Variants in CSMD1 observed in about 807,000 individuals in gnomAD.
CSMD1 encodes the protein CUB and sushi domain-containing protein 1.
A neutral mutation model predicts 417.5 loss-of-function variants in CSMD1; 213 were observed. The observed-to-expected ratio is 0.51, with a 90% CI of 0.46 to 0.57. The LOEUF is 0.57. Among genes scored for constraint, CSMD1 ranks in the 20% least tolerant of loss-of-function variants. The pLI is 0.00. For synonymous variants in CSMD1, 2,862 were observed against 1,736.8 expected, an observed-to-expected ratio of 1.65 and a Z score of -16.11; for missense variants, 6,923 against 4,529.7, an observed-to-expected ratio of 1.53 and a Z score of -15.17.
intron 12 of CSMD1, among the ~76,000 whole-genome samples, chr8:3,430,233 A>G (rs978879096): frequency 2.6e-5 from 4 of 152,156 alleles, no homozygotes; most frequent in Non-Finnish European, 4.4e-5. Flanking sequence ...ACTATCTGCT[A>G]TAAGGGAGAT....
At chr8:4,047,945 T>A (rs903295696) in intron 3 of CSMD1, among the ~76,000 whole-genome samples, 2 of 152,180 alleles carry the variant, frequency 1.3e-5, no homozygotes, top group African/African-American at 2.4e-5. Context: ...CCCAAAAATA[T>A]AATGTCATGT....
chr8:4,857,166 A>G (rs1283725792), intron 1 of CSMD1, among the ~76,000 whole-genome samples: 3 of 151,146 alleles, frequency 2.0e-5, no homozygotes, highest in African/African-American at 7.3e-5. Context: ...ATGAATGACT[A>G]CTGGGTACAT....
At chr8:4,966,366 T>G (rs959301750) in intron 1 of CSMD1, among the ~76,000 whole-genome samples, 7 of 151,546 alleles carry the variant, frequency 4.6e-5, no homozygotes, top group African/African-American at 1.7e-4. Flanking sequence ...GCAACAAGAG[T>G]GAAACTCCAT....
rs77581426 is a variant in CSMD1, at chr8:4,797,735, T to C, written c.86-160177A>G. 2.0e-5 allele frequency among the ~76,000 whole-genome samples: 3 copies of C among 152,190 alleles called. No individual in the cohort carries two copies. The South Asian group carries it at 6.2e-4, about 31-fold the overall frequency. ...TACCTCCTTAACTGGGATAGGTACA[T>C]ACAAATGTAGAAGATAAGTAACTTT... On this transcript the variant is annotated intron_variant, in intron 1 of 69. Transcript: ENST00000635120.
chr8:3,139,806 A>G (rs1818321243), intron 41 of CSMD1, among the ~76,000 whole-genome samples: 1 of 152,156 alleles, frequency 6.6e-6, no homozygotes, highest in Non-Finnish European at 1.5e-5. Flanking sequence ...GAAATAGAAA[A>G]TATTCTCTAA....
At chr8:3,359,686 G>A (rs571845164) in intron 20 of CSMD1, among the ~76,000 whole-genome samples, 1 of 151,998 alleles carries the variant, frequency 6.6e-6, no homozygotes, top group Non-Finnish European at 1.5e-5. Context: ...TGATAGCAGA[G>A]TAAGGTGACT....
chr8:4,978,262 C>G (rs1023876508), intron 1 of CSMD1, among the ~76,000 whole-genome samples: 1 of 152,154 alleles, frequency 6.6e-6, no homozygotes, highest in African/African-American at 2.4e-5. Context: ...AAAGGGGGGA[C>G]AGGCAGGTGG....
chr8:3,362,389 T>C (rs1205143705), intron 20 of CSMD1, among the ~76,000 whole-genome samples: 1 of 152,248 alleles, frequency 6.6e-6, no homozygotes, highest in Middle Eastern at 3.4e-3. Flanking sequence ...CAAAAACCAA[T>C]GGTCAATTCT....
chr8:4,853,890 G>C (rs1164697074), intron 1 of CSMD1, among the ~76,000 whole-genome samples: 1 of 152,152 alleles, frequency 6.6e-6, no homozygotes, highest in Non-Finnish European at 1.5e-5. Flanking sequence ...GATAATTTTG[G>C]GGATTTAAGA....
rs371203335 is a variant in CSMD1, at chr8:3,780,959, ATC to A, written c.819-26919_819-26918del. Reference sequence around the variant, plus strand: ...AATGTAAAAATAAAGCTCTAAAGATATCTGTCTTCATGATCTGAAAATATCTG... The same window carrying A: ...AATGTAAAAATAAAGCTCTAAAGATATGTCTTCATGATCTGAAAATATCTG... On this transcript the variant is annotated intron_variant, in intron 5 of 69. Transcript: ENST00000635120. Among the ~76,000 whole-genome samples the A allele has an allele frequency of 1.0e-3, 158 of 152,342 alleles. 2 individuals are homozygous for A. In the South Asian group the frequency reaches 0.012, roughly 12 times the overall value.
rs77761436 is a variant in CSMD1, at chr8:4,354,791, A to G, written c.415+65162T>C. 3.2e-3 allele frequency among the ~76,000 whole-genome samples: 494 copies of G among 152,058 alleles called. 22 individuals are homozygous for G. The East Asian group carries it at 0.083, about 25-fold the overall frequency. On this transcript the variant is annotated intron_variant, in intron 3 of 69. Transcript: ENST00000635120. Reference sequence around the variant, plus strand: ...TCCCCCCTCCCAGAAAAATGAAAGCAAAAAGTTTATCAAACTTAGTATTAT... The same window carrying G: ...TCCCCCCTCCCAGAAAAATGAAAGCGAAAAGTTTATCAAACTTAGTATTAT...
chr8:3,418,304 T>C (rs1813285062), intron 12 of CSMD1, among the ~76,000 whole-genome samples: 1 of 152,158 alleles, frequency 6.6e-6, no homozygotes, highest in South Asian at 2.1e-4. Context: ...TCATCTCGCT[T>C]GTCTCATGGA....
At chr8:3,828,132 A>C (rs1010340327) in intron 5 of CSMD1, among the ~76,000 whole-genome samples, 1 of 152,296 alleles carries the variant, frequency 6.6e-6, no homozygotes, top group African/African-American at 2.4e-5. Context: ...AGAACCTGGG[A>C]ACATCCTAAT....
intron 6 of CSMD1, among the ~76,000 whole-genome samples, chr8:3,734,957 C>G (rs1477096635): frequency 6.6e-6 from 1 of 152,184 alleles, no homozygotes; most frequent in Non-Finnish European, 1.5e-5. Flanking sequence ...AGAGTAGCCT[C>G]TGTTCTTGTT....
intron 7 of CSMD1, among the ~76,000 whole-genome samples, chr8:3,667,775 G>C (rs906158271): frequency 6.6e-6 from 1 of 152,160 alleles, no homozygotes; most frequent in African/African-American, 2.4e-5. Flanking sequence ...GGGAGCAAGT[G>C]TCTTGCGGAA....
chr8:4,390,417 T>C (rs964122638), intron 3 of CSMD1, among the ~76,000 whole-genome samples: 2 of 152,102 alleles, frequency 1.3e-5, no homozygotes, highest in African/African-American at 4.8e-5. Flanking sequence ...AAACATCGTA[T>C]AGAGATATGA....
intron 8 of CSMD1, among the ~76,000 whole-genome samples, chr8:3,607,791 G>A (rs1261127491): frequency 6.6e-6 from 1 of 152,178 alleles, no homozygotes; most frequent in African/African-American, 2.4e-5. Flanking sequence ...ACTCCTTTGT[G>A]GAAAGACTCA....
At chr8:4,236,054 T>TTG (rs1802036895) in intron 3 of CSMD1, among the ~76,000 whole-genome samples, 1 of 64,236 alleles carries the variant, frequency 1.6e-5, no homozygotes, top group African/African-American at 4.7e-5. Context: ...TTTTTTTTTT[T>TTG]TTTTTTTTTT....
chr8:4,129,641 A>G (rs1802976291), intron 3 of CSMD1, among the ~76,000 whole-genome samples: 1 of 152,128 alleles, frequency 6.6e-6, no homozygotes, highest in South Asian at 2.1e-4. Context: ...GAAATTTGGT[A>G]GGATATTCTC....
Sources: allele counts gnomAD v4.1 joint callset (sites outside exome capture counted in the v4.1 genomes callset), GRCh38; gene constraint gnomAD v4.1.1; transcripts MANE v1.5; gene names NCBI Gene and HGNC (gene_info 2026-07-23, HGNC 2026-07-21).